GNAI1: variants seen among roughly 807,000 people sequenced by gnomAD.
The protein encoded by GNAI1 is G protein subunit alpha i1.
In GNAI1, 11 loss-of-function variants were observed where a neutral mutation model predicts 38.9. The observed-to-expected ratio is 0.28, with a 90% CI of 0.18 to 0.47. GNAI1 has a LOEUF of 0.47. GNAI1 is among the 20% of genes least tolerant of loss of function. GNAI1 has a pLI of 0.99. For synonymous variants in GNAI1, 166 were observed against 145.1 expected (o/e 1.14, Z -1.04); for missense variants, 317 against 436.9 (o/e 0.73, Z 2.45).
chr7:80,159,901 AGATATATGTTAAGTGTATTGG>A (rs11271516), intron 1 of GNAI1, among the ~76,000 whole-genome samples: 42,912 of 151,442 alleles, frequency 0.28, 7,354 homozygotes, highest in African/African-American at 0.49. Flanking sequence ...TGAGGATTAG[AGATATATGTTAAGTGTATTGG>A]GATATATGTT....
At chr7:80,194,562 T>A (rs1253239941) in intron 3 of GNAI1, among the ~76,000 whole-genome samples, 1 of 152,094 alleles carries the variant, frequency 6.6e-6, no homozygotes, top group Non-Finnish European at 1.5e-5. Context: ...GCAAGGGGAA[T>A]TTTGAGGGAG....
chr7:80,159,990 GTT>G (rs1787892883), intron 1 of GNAI1, among the ~76,000 whole-genome samples: 1 of 152,136 alleles, frequency 6.6e-6, no homozygotes, highest in African/African-American at 2.4e-5. Context: ...ACCTCTCTGA[GTT>G]GGTTGTATCA....
At chr7:80,149,592 TAGA>T (rs1411426408) in intron 1 of GNAI1, among the ~76,000 whole-genome samples, 2 of 152,104 alleles carry the variant, frequency 1.3e-5, no homozygotes, top group African/African-American at 4.8e-5. Flanking sequence ...TGAGGGGCAG[TAGA>T]AGGACTATAT....
rs1214697854 is a variant in GNAI1 at position 80,223,138 on chromosome 7, G to T, written c.*5645G>T. Among the ~76,000 whole-genome samples the T allele has an allele frequency of 6.6e-6, 1 of 152,166 alleles. No individual in the cohort carries two copies. Among genetic ancestry groups the T allele is most frequent in the Non-Finnish European group, 1.5e-5 (1 of 68,034 alleles). ...CAATGTAAAGTTGAAAAATTGTTAA[G>T]TTGGACCATCATACGTTGGGGACCA... On this transcript the variant is annotated 3_prime_UTR_variant, in exon 8 of 8. Transcript: ENST00000649796.
chr7:80,215,621 G>A (rs758439069), intron 7 of GNAI1, among the ~76,000 whole-genome samples: 10 of 152,118 alleles, frequency 6.6e-5, no homozygotes, highest in Non-Finnish European at 2.9e-5. Context: ...AGATATAAAA[G>A]GAGTATGAGG....
At chr7:80,196,783 A>AT (rs567179144) in intron 3 of GNAI1, among the ~76,000 whole-genome samples, 2 of 151,902 alleles carry the variant, frequency 1.3e-5, no homozygotes, top group Non-Finnish European at 2.9e-5. Context: ...ATCCCAGTAA[A>AT]TTTTTTTTAA....
chr7:80,142,924 C>T (rs1212865465), intron 1 of GNAI1, among the ~76,000 whole-genome samples: 1 of 152,148 alleles, frequency 6.6e-6, no homozygotes, highest in African/African-American at 2.4e-5. Context: ...AGTATTGCTG[C>T]CTTGCTGTTT....
rs922148520 is a variant in GNAI1 at position 80,224,089 on chromosome 7, A to C, written c.*6596A>C. Among the ~76,000 whole-genome samples, 2 of 152,184 alleles carry C rather than the reference A, an allele frequency of 1.3e-5. No individual in the cohort carries two copies. Among genetic ancestry groups the C allele is most frequent in the African/African-American group, 4.8e-5 (2 of 41,440 alleles). On this transcript the variant is annotated 3_prime_UTR_variant, in exon 8 of 8. Coordinates refer to ENST00000649796, the MANE Select transcript of GNAI1 (RefSeq NM_002069.6). ...TAGTGCTAAATCAAGACCTTGAAAA[A>C]TGTACTCATATAGTAAGATTTACTC...
chr7:80,171,035 A>T (rs954241860), intron 1 of GNAI1, among the ~76,000 whole-genome samples: 1 of 152,176 alleles, frequency 6.6e-6, no homozygotes, highest in Admixed American at 6.5e-5. Flanking sequence ...GAGGTTCATT[A>T]CTTCTGGTTC....
At chr7:80,174,553 T>A (rs1788150298) in intron 1 of GNAI1, among the ~76,000 whole-genome samples, 1 of 151,864 alleles carries the variant, frequency 6.6e-6, no homozygotes, top group African/African-American at 2.4e-5. Context: ...TATTTTTTCC[T>A]ATTCTGTAGT....
intron 1 of GNAI1, among the ~76,000 whole-genome samples, chr7:80,174,035 A>T (rs1788141341): frequency 2.0e-5 from 3 of 152,204 alleles, no homozygotes; most frequent in African/African-American, 7.2e-5. Context: ...AGGGGTTATC[A>T]GGAAACTTTG....
At chr7:80,159,216 T>C (rs912261346) in intron 1 of GNAI1, among the ~76,000 whole-genome samples, 4 of 152,166 alleles carry the variant, frequency 2.6e-5, no homozygotes, top group African/African-American at 9.6e-5. Context: ...TTGGGGGGGC[T>C]TACTTGTTTG....
In GNAI1 at chr7:80,199,302, A is replaced by G. The variant is rs770957575; in HGVS notation, c.381A>G (p.Ile127Met). ...TGACTGCAGAACTTGCTGGAGTTAT[A>G]AAGAGATTGTGGAAAGATAGTGGTG... ...GFMTAELAGV[I>M]KRLWKDSGVQ... is the part of the protein sequence containing the mutation. The change falls in exon 4 of 8, where the codon ATA becomes ATG. Residue 127 changes from isoleucine (I) to methionine (M), a missense_variant. Ile to Met is a conservative substitution (Grantham distance 10, BLOSUM62 1). Around this residue, in one of 5 missense-constraint regions of GNAI1, gnomAD observed 67 missense variants for 61.5 expected, o/e 1.09. Coordinates refer to ENST00000649796, the MANE Select transcript of GNAI1 (RefSeq NM_002069.6). 2 of 1,613,356 alleles carry G rather than the reference A, an allele frequency of 1.2e-6. No individual in the cohort carries two copies. Among genetic ancestry groups the G allele is most frequent in the African/African-American group, 1.3e-5 (1 of 74,916 alleles).
intron 1 of GNAI1, among the ~76,000 whole-genome samples, chr7:80,145,920 G>A (rs982101948): frequency 6.6e-6 from 1 of 152,090 alleles, no homozygotes; most frequent in African/African-American, 2.4e-5. Flanking sequence ...GAGCCAGTAT[G>A]AGGTAGCCAG....
At chr7:80,191,099 C>T (rs1788472038) in intron 3 of GNAI1, among the ~76,000 whole-genome samples, 1 of 151,968 alleles carries the variant, frequency 6.6e-6, no homozygotes, top group African/African-American at 2.4e-5. Context: ...TGCCTTTAGA[C>T]TATTACTTCT....
chr7:80,141,104 A>G (rs538862687), intron 1 of GNAI1, among the ~76,000 whole-genome samples: 1 of 152,216 alleles, frequency 6.6e-6, no homozygotes, highest in South Asian at 2.1e-4. Context: ...CACATCTGCA[A>G]AATTCCTTTT....
At chr7:80,183,747 G>A (rs186349647) in intron 1 of GNAI1, among the ~76,000 whole-genome samples, 1 of 152,162 alleles carries the variant, frequency 6.6e-6, no homozygotes, top group East Asian at 1.9e-4. Flanking sequence ...CCAAATCAGA[G>A]GCAGACACTG....
chr7:80,191,353 CGTT>C (rs757919783), intron 3 of GNAI1, among the ~76,000 whole-genome samples: 4 of 151,838 alleles, frequency 2.6e-5, no homozygotes, highest in Non-Finnish European at 4.4e-5. Context: ...ATGGAAAAAG[CGTT>C]GTATGAATAA....
intron 1 of GNAI1, among the ~76,000 whole-genome samples, chr7:80,173,656 A>G (rs183980291): frequency 5.9e-5 from 9 of 152,254 alleles, no homozygotes; most frequent in Admixed American, 5.2e-4. Flanking sequence ...GAATTGTCTG[A>G]TCGCATAGAT....
Sources: gnomAD v4.1 joint callset for allele counts (sites outside exome capture counted in the v4.1 genomes callset) on GRCh38, gnomAD v4.1.1 for gene constraint, gnomAD v4.1.1 regional missense constraint, MANE v1.5 for transcripts, NCBI Gene and HGNC (gene_info 2026-07-23, HGNC 2026-07-21) for gene names.